The following ZNRF1 variants were observed in gnomAD, a reference collection of about 807,000 sequenced individuals.
The protein encoded by ZNRF1 is E3 ubiquitin-protein ligase ZNRF1.
ZNRF1 carries 3 observed loss-of-function variants against 18.4 expected under a neutral mutation model. That is an observed-to-expected ratio of 0.16 (90% CI 0.07 to 0.42). The LOEUF (loss-of-function observed/expected upper bound fraction) is 0.42, where lower values mean the gene tolerates loss of function less well. ZNRF1 is among the 10% of genes least tolerant of loss of function. ZNRF1 has a pLI of 0.99. For synonymous variants in ZNRF1, 157 were observed against 144.2 expected (o/e 1.09, Z -0.64); for missense variants, 310 against 329.8 (o/e 0.94, Z 0.47).
chr16:75,101,774 C>G (rs2036257744), intron 2 of ZNRF1, among the ~76,000 whole-genome samples: 1 of 152,246 alleles, frequency 6.6e-6, no homozygotes, highest in South Asian at 2.1e-4. Context: ...CTCCTTTCCT[C>G]TACCACTGTG....
intron 1 of ZNRF1, among the ~76,000 whole-genome samples, chr16:75,074,011 C>G (rs1446140525): frequency 6.6e-6 from 1 of 152,082 alleles, no homozygotes; most frequent in African/African-American, 2.4e-5. Flanking sequence ...TCTTGCAGTG[C>G]TACCACCCGG....
intron 1 of ZNRF1, among the ~76,000 whole-genome samples, chr16:75,030,062 CAAA>C (rs34968109): frequency 2.5e-4 from 24 of 97,756 alleles, no homozygotes; most frequent in African/African-American, 2.7e-4. Context: ...GATGCTATCT[CAAA>C]AAAAAAAAAA....
At chr16:75,044,771 C>T (rs192399165) in intron 1 of ZNRF1, among the ~76,000 whole-genome samples, 60 of 152,290 alleles carry the variant, frequency 3.9e-4, no homozygotes, top group Non-Finnish European at 6.3e-4. Context: ...ACCCCTTTCC[C>T]TTGGAAAAGG....
chr16:75,039,866 A>G (rs1419051997), intron 1 of ZNRF1, among the ~76,000 whole-genome samples: 2 of 152,182 alleles, frequency 1.3e-5, no homozygotes, highest in Non-Finnish European at 2.9e-5. Context: ...TTCACTGTAT[A>G]TAGGAACCTG....
chr16:75,106,778 T>C (rs868194662), intron 4 of ZNRF1: 3 of 529,414 alleles, frequency 5.7e-6, no homozygotes, highest in South Asian at 2.1e-5. Flanking sequence ...TGGACAGTTA[T>C]GAAGAACAGG....
intron 1 of ZNRF1, among the ~76,000 whole-genome samples, chr16:75,092,590 T>C (rs2036152534): frequency 6.6e-6 from 1 of 152,240 alleles, no homozygotes; most frequent in Non-Finnish European, 1.5e-5. Flanking sequence ...TCATCTGTGT[T>C]GTATGGACAA....
chr16:75,091,367 A>G (rs936043853), intron 1 of ZNRF1, among the ~76,000 whole-genome samples: 7 of 150,754 alleles, frequency 4.6e-5, no homozygotes, highest in Non-Finnish European at 1.0e-4. Context: ...TCAAAAAAAA[A>G]AAAAGAAAAG....
At chr16:75,062,655 A>T (rs974280979) in intron 1 of ZNRF1, among the ~76,000 whole-genome samples, 2 of 152,086 alleles carry the variant, frequency 1.3e-5, no homozygotes, top group African/African-American at 2.4e-5. Flanking sequence ...GTCTTTCATG[A>T]CTTTGTGAGA....
chr16:75,092,251 G>C (rs888843661), intron 1 of ZNRF1, among the ~76,000 whole-genome samples: 5 of 152,324 alleles, frequency 3.3e-5, no homozygotes, highest in Non-Finnish European at 7.3e-5. Flanking sequence ...TGTTCACATT[G>C]AGTAGGCTGA....
intron 1 of ZNRF1, among the ~76,000 whole-genome samples, chr16:75,010,254 A>G (rs1177351384): frequency 6.6e-6 from 1 of 152,124 alleles, no homozygotes; most frequent in East Asian, 1.9e-4. Flanking sequence ...AAGTGCAGGG[A>G]TTACAGGTGT....
At chr16:75,079,833 G>C (rs1236948849) in intron 1 of ZNRF1, among the ~76,000 whole-genome samples, 1 of 152,218 alleles carries the variant, frequency 6.6e-6, no homozygotes, top group Non-Finnish European at 1.5e-5. Flanking sequence ...ACCAGGACTG[G>C]GTCCAAGGCA....
chr16:75,079,013 C>T (rs1319238802), intron 1 of ZNRF1, among the ~76,000 whole-genome samples: 2 of 152,222 alleles, frequency 1.3e-5, no homozygotes, highest in African/African-American at 4.8e-5. Flanking sequence ...TTACTCCCAA[C>T]CTTCTCCTTC....
At position 75,042,092 on chromosome 16, in the gene ZNRF1, A is replaced by T. The variant is rs1943067; in HGVS notation, c.424+41997A>T. Among the ~76,000 whole-genome samples the T allele has an allele frequency of 7.9e-5, 12 of 152,342 alleles. 2 individuals are homozygous for T. The highest frequency in any genetic ancestry group is 7.7e-4 in the East Asian group (4 of 5,192). On this transcript the variant is annotated intron_variant, in intron 1 of 4. Coordinates refer to ENST00000335325, the MANE Select transcript of ZNRF1 (RefSeq NM_032268.5). ...TGATTTTCTGTATATCCTCATTTTT[A>T]AAAATTGAGTTGTTTGTCAGTGAGT...
intron 1 of ZNRF1, among the ~76,000 whole-genome samples, chr16:75,080,014 C>T (rs2035990316): frequency 6.6e-6 from 1 of 152,210 alleles, no homozygotes; most frequent in African/African-American, 2.4e-5. Flanking sequence ...CTCCCGGGTT[C>T]AAGCGATTCT....
In ZNRF1 at chr16:75,108,235, C is replaced by G; in HGVS notation, c.*535C>G. ...TTTGGGTTTGTTTGGTTTTTTCCCT[C>G]TATTTTTCTGGCTGGTTTTTTGCTC... On this transcript the variant is annotated 3_prime_UTR_variant, in exon 5 of 5. Coordinates refer to ENST00000335325, the MANE Select transcript of ZNRF1 (RefSeq NM_032268.5). The G allele has an allele frequency of 4.9e-6, 1 of 205,380 alleles. No homozygotes were observed. The highest frequency in any genetic ancestry group is 9.8e-6 in the Non-Finnish European group (1 of 102,542). The allele number at this position is 205,380 out of a possible 1,614,324, so 12.7% of individuals were successfully genotyped here. A position where few individuals can be genotyped will look rare whatever the true frequency, so the allele number is the denominator to read the frequency against.
chr16:75,029,637 C>T (rs969223860), intron 1 of ZNRF1, among the ~76,000 whole-genome samples: 5 of 146,500 alleles, frequency 3.4e-5, no homozygotes, highest in African/African-American at 1.3e-4. Context: ...TGCATGGTAG[C>T]ATGTGCCTGT....
At chr16:75,017,715 C>G (rs953950312) in intron 1 of ZNRF1, among the ~76,000 whole-genome samples, 15 of 152,212 alleles carry the variant, frequency 9.9e-5, no homozygotes, top group Non-Finnish European at 2.1e-4. Context: ...CACTGCCACT[C>G]TCTGCTCCCA....
chr16:75,009,092 A>G (rs1179149469), intron 1 of ZNRF1, among the ~76,000 whole-genome samples: 1 of 152,176 alleles, frequency 6.6e-6, no homozygotes, highest in Non-Finnish European at 1.5e-5. Flanking sequence ...GTCATTGAAC[A>G]CTATTTTCTA....
intron 2 of ZNRF1, among the ~76,000 whole-genome samples, chr16:75,095,388 A>G (rs2036186211): frequency 6.6e-6 from 1 of 152,056 alleles, no homozygotes; most frequent in African/African-American, 2.4e-5. Context: ...GCATGCTGTC[A>G]GGACGCTCAG....
Sources: gnomAD v4.1 joint callset for allele counts (sites outside exome capture counted in the v4.1 genomes callset) on GRCh38, gnomAD v4.1.1 for gene constraint, MANE v1.5 for transcripts, NCBI Gene and HGNC (gene_info 2026-07-23, HGNC 2026-07-21) for gene names.